NLRP9: variants seen among roughly 807,000 people sequenced by gnomAD.
NLRP9 encodes NLR family pyrin domain containing 9.
NLRP9 carries 88 observed loss-of-function variants against 83.1 expected under a neutral mutation model. That is an observed-to-expected ratio of 1.06 (90% CI 0.89 to 1.26). NLRP9 has a LOEUF of 1.26. NLRP9 is among the 50% of genes most tolerant of loss of function. The probability of loss-of-function intolerance (pLI) is 0.00; values close to 1 mark genes in which losing one functional copy is unlikely to be tolerated. For missense variants in NLRP9, 1,308 were observed against 1,179.3 expected (o/e 1.11, Z -1.60); for synonymous variants, 521 against 447.6 (o/e 1.16, Z -2.07).
intron 4 of NLRP9, among the ~76,000 whole-genome samples, chr19:55,721,936 CTCTT>C (rs1262691766): frequency 6.6e-6 from 1 of 152,160 alleles, no homozygotes; most frequent in Admixed American, 6.6e-5. Context: ...TCCAATAAAC[CTCTT>C]TCTTTTGTAA....
intron 3 of NLRP9, among the ~76,000 whole-genome samples, chr19:55,725,975 G>A (rs1338426000): frequency 1.3e-5 from 2 of 151,904 alleles, no homozygotes; most frequent in African/African-American, 2.4e-5. Flanking sequence ...GCAGTGAGCC[G>A]AGATTGCACC....
In NLRP9 at chr19:55,711,883, G is replaced by A. The variant is rs771255610; in HGVS notation, c.2760C>T (p.Leu920=). ...IACKTLRSLN[L]DWIALDADAV... The stretch of plus-strand genomic sequence containing the variant: ...CATCAGCATCCAAGGCAATCCAGTC[G>A]AGGTTCAGGCTCCTCAGTGTTTTGC... Residue 920 remains leucine (L), a synonymous_variant, in exon 8 of 9, where the codon CTC becomes CTT. Transcript: ENST00000332836. The A allele has an allele frequency of 1.9e-6, 3 of 1,613,270 alleles. No homozygotes were observed. The highest frequency in any genetic ancestry group is 2.2e-5 in the East Asian group (1 of 44,888).
chr19:55,714,365 A>G (rs1407614582), intron 6 of NLRP9, among the ~76,000 whole-genome samples: 1 of 151,332 alleles, frequency 6.6e-6, no homozygotes, highest in African/African-American at 2.4e-5. Context: ...TGTGATTCCA[A>G]CTGGCCATCT....
intron 1 of NLRP9, among the ~76,000 whole-genome samples, chr19:55,734,125 G>A (rs865941185): frequency 1.5e-4 from 22 of 151,326 alleles, no homozygotes; most frequent in Middle Eastern, 6.9e-3. Flanking sequence ...GAGTTTCACC[G>A]TGTTAGCCAG....
At chr19:55,725,539 A>G (rs1988373372) in intron 3 of NLRP9, among the ~76,000 whole-genome samples, 1 of 152,214 alleles carries the variant, frequency 6.6e-6, no homozygotes, top group Admixed American at 6.5e-5. Context: ...ACAGAGGGGA[A>G]CAGCAGGCTG....
At chr19:55,737,076 G>T (rs1988803990) in intron 1 of NLRP9, among the ~76,000 whole-genome samples, 1 of 152,060 alleles carries the variant, frequency 6.6e-6, no homozygotes, top group Non-Finnish European at 1.5e-5. Flanking sequence ...ACCTAATAGG[G>T]AATATATTTA....
chr19:55,716,826 C>T lies in NLRP9; in HGVS notation c.2232G>A (p.Leu744=). The part of the protein sequence containing the change: ...IASVLACNSK[L]KHLSLVENPL... The stretch of plus-strand genomic sequence containing the variant: ...GATTTTCTACCAAGGAGAGGTGTTT[C>T]AGCTTGCTGTTGCAGGCCAGGACGG... Residue 744 remains leucine, a synonymous_variant, in exon 5 of 9, where the codon CTG becomes CTA. Transcript: ENST00000332836. 6.2e-7 allele frequency: 1 copy of T among 1,613,956 alleles called. No homozygotes were observed.
intron 3 of NLRP9, among the ~76,000 whole-genome samples, chr19:55,726,025 G>GA (rs397700415): frequency 0.023 from 3,269 of 143,266 alleles, 46 homozygotes; most frequent in Non-Finnish European, 0.034. Flanking sequence ...GACTGTCTCA[G>GA]AAAAAAAAAA....
intron 8 of NLRP9, chr19:55,709,805 A>G (rs1987633446): frequency 6.6e-6 from 1 of 152,152 alleles, no homozygotes; most frequent in Admixed American, 6.6e-5. Flanking sequence ...CTGTCTCTTT[A>G]TAACTTCTAA....
rs143788176 is a variant in NLRP9, at chr19:55,732,348, T to C, written c.1483A>G (p.Met495Val). The change falls in exon 2 of 9, where the codon ATG becomes GTG. Residue 495 changes from methionine (M) to valine (V), a missense_variant. Transcript: ENST00000332836. ...QTLLTQVGIF[M>V]FGISTEEIVS... is the part of the protein sequence containing the mutation. ...ATTTCTTCTGTTGAAATTCCAAACA[T>C]GAATATCCCCACCTGGGTCAAGAGG... 3.0e-5 allele frequency: 48 copies of C among 1,614,070 alleles called. No homozygotes were observed. Among genetic ancestry groups the C allele is most frequent in the Non-Finnish European group, 3.3e-5 (39 of 1,180,024 alleles).
Position 55,712,430 on chromosome 19 carries a change from C to A in NLRP9, c.2662G>T (p.Glu888Ter), listed in dbSNP as rs780476740. 6.2e-7 allele frequency: 1 copy of A among 1,612,212 alleles called. No individual in the cohort carries two copies. Among genetic ancestry groups the A allele is most frequent in the African/African-American group, 1.3e-5 (1 of 74,892 alleles). The change falls in exon 7 of 9, where the codon GAG becomes TAG. Residue 888 changes from glutamate to a stop codon, truncating the protein, a stop_gained. Coordinates refer to ENST00000332836, the MANE Select transcript of NLRP9 (RefSeq NM_176820.4). LOFTEE classifies it high-confidence loss of function. Reference sequence around the variant, plus strand: ...TCAGTAGATACTCACCCGAGACACTCTAATTTACAGTGAGGATGCTGCAAA... The same window carrying A: ...TCAGTAGATACTCACCCGAGACACTATAATTTACAGTGAGGATGCTGCAAA... ...AALQHPHCKL[E>*]CLGLQTCPIT...
intron 4 of NLRP9, 73 bp downstream of exon 4, chr19:55,723,907 G>A (rs1988314268): frequency 1.6e-6 from 2 of 1,247,170 alleles, no homozygotes; most frequent in Middle Eastern, 2.0e-4. Context: ...CTCCAGGAAG[G>A]AAAACAAGAA....
intron 3 of NLRP9, among the ~76,000 whole-genome samples, chr19:55,726,756 G>A (rs540822164): frequency 7.9e-4 from 121 of 152,230 alleles, no homozygotes; most frequent in African/African-American, 2.8e-3. Flanking sequence ...CTAACCTTGG[G>A]GAGGCATTAG....
intron 8 of NLRP9, among the ~76,000 whole-genome samples, chr19:55,710,331 G>C (rs947846050): frequency 6.6e-6 from 1 of 151,988 alleles, no homozygotes; most frequent in Non-Finnish European, 1.5e-5. Flanking sequence ...ACAGCTCCCC[G>C]GGACTCCCTT....
intron 4 of NLRP9, among the ~76,000 whole-genome samples, chr19:55,720,552 A>C (rs1171621028): frequency 2.0e-5 from 3 of 151,748 alleles, no homozygotes; most frequent in African/African-American, 7.3e-5. Context: ...CTGGTCTCCA[A>C]CTCCTGGCCT....
chr19:55,715,172 A>G lies in NLRP9; in HGVS notation c.2384T>C (p.Leu795Pro), dbSNP rs1987959800. The G allele has an allele frequency of 1.9e-6, 3 of 1,613,452 alleles. No homozygotes were observed. Among genetic ancestry groups the G allele is most frequent in the East Asian group, 2.2e-5 (1 of 44,862 alleles). ...GAGGGACAGGGACTTACTGCACAAG[A>G]GGACTTCGGAAATGGAGTCACAGGA... The part of the protein sequence containing the change: ...SVSCDSISEV[L>P]LCSKSLSLLD... The change falls in exon 6 of 9, where the codon CTC becomes CCC. Residue 795 changes from leucine to proline, a missense_variant. Physicochemically the swap from Leu to Pro is moderately conservative, Grantham distance 98. Coordinates refer to ENST00000332836, the MANE Select transcript of NLRP9 (RefSeq NM_176820.4).
intron 1 of NLRP9, among the ~76,000 whole-genome samples, 167 bp downstream of exon 1, chr19:55,737,928 T>C (rs1203860396): frequency 6.6e-6 from 1 of 152,056 alleles, no homozygotes; most frequent in Non-Finnish European, 1.5e-5. Context: ...AGTTCATCGC[T>C]GGCCCACATA....
chr19:55,730,102 G>C, intron 2 of NLRP9, 110 bp from the exon 3 acceptor site: 3 of 940,158 alleles, frequency 3.2e-6, no homozygotes, highest in Non-Finnish European at 4.8e-6. Flanking sequence ...CAGACACCCA[G>C]GCCTGAACAG....
chr19:55,724,957 G>C (rs1460616909), intron 3 of NLRP9, among the ~76,000 whole-genome samples: 1 of 152,096 alleles, frequency 6.6e-6, no homozygotes, highest in South Asian at 2.1e-4. Flanking sequence ...CACTCAAGAG[G>C]CTGAGGTAGG....
Sources: gnomAD v4.1 joint callset for allele counts (sites outside exome capture counted in the v4.1 genomes callset) on GRCh38, gnomAD v4.1.1 for gene constraint, MANE v1.5 for transcripts, NCBI Gene and HGNC (gene_info 2026-07-23, HGNC 2026-07-21) for gene names.